DSTYK: variants seen among roughly 807,000 people sequenced by gnomAD.
DSTYK encodes RIP-homologous kinase.
In DSTYK, 34 loss-of-function variants were observed where a neutral mutation model predicts 98.7. The observed-to-expected ratio is 0.34, with a 90% CI of 0.26 to 0.46. The LOEUF (loss-of-function observed/expected upper bound fraction) is 0.46. Ranked by LOEUF, DSTYK falls within the 20% of genes least tolerant of loss-of-function variation. The pLI is 1.00. For missense variants in DSTYK, 962 were observed against 1,181.7 expected (o/e 0.81, Z 2.73); for synonymous variants, 462 against 457.3 (o/e 1.01, Z -0.13).
intron 1 of DSTYK, among the ~76,000 whole-genome samples, chr1:205,198,233 G>A (rs1395161863): frequency 1.3e-5 from 2 of 152,076 alleles, no homozygotes; most frequent in African/African-American, 4.8e-5. Context: ...ACCAACAGAG[G>A]AAGCTTGACT....
chr1:205,157,389 T>C lies in DSTYK; in HGVS notation c.2239-3A>G, dbSNP rs1437466099. The C allele has an allele frequency of 2.5e-6, 4 of 1,613,278 alleles. No individual in the cohort carries two copies. Among genetic ancestry groups the C allele is most frequent in the South Asian group, 1.1e-5 (1 of 91,068 alleles). ...CGTGTCTCCAGGGTCAGCCCAGCCTTGGGGAGACAAAAGAGCTTACTTGTC... is the reference window on the plus strand; with the variant it reads ...CGTGTCTCCAGGGTCAGCCCAGCCTCGGGGAGACAAAAGAGCTTACTTGTC... On this transcript the variant is annotated splice_region_variant and splice_polypyrimidine_tract_variant and intron_variant, in intron 9 of 12. Transcript: ENST00000367162.
chr1:205,146,205 T>C lies in DSTYK; in HGVS notation c.*1353A>G, dbSNP rs769389016. On this transcript the variant is annotated 3_prime_UTR_variant, in exon 13 of 13. Transcript: ENST00000367162. ...GTTTTCCAAACGTCAGTGTGTTAGATTCAAACACAAAAAGAAAAATTTCTG... is the reference window on the plus strand; with the variant it reads ...GTTTTCCAAACGTCAGTGTGTTAGACTCAAACACAAAAAGAAAAATTTCTG... The C allele has an allele frequency of 1.3e-5, 2 of 152,216 alleles. No homozygotes were observed. Among genetic ancestry groups the C allele is most frequent in the African/African-American group, 2.4e-5 (1 of 41,450 alleles). The allele number at this position is 152,216 out of a possible 1,614,324, so 9.4% of individuals were successfully genotyped here.
chr1:205,165,773 G>A lies in DSTYK; in HGVS notation c.1325-1818C>T, dbSNP rs112073816. The stretch of plus-strand genomic sequence containing the variant: ...GATTAATGCAGTACATTTTGTATTA[G>A]CGAAAGAGAAAATAAAAAATAAACA... On this transcript the variant is annotated intron_variant, in intron 3 of 12. Coordinates refer to ENST00000367162, the MANE Select transcript of DSTYK (RefSeq NM_015375.3). Among the ~76,000 whole-genome samples the A allele has an allele frequency of 8.6e-3, 1,312 of 152,238 alleles. 23 individuals carry two copies. Among genetic ancestry groups the A allele is most frequent in the African/African-American group, 0.03 (1,256 of 41,528 alleles).
At chr1:205,208,801 C>G (rs1275652712) in intron 1 of DSTYK, among the ~76,000 whole-genome samples, 1 of 152,162 alleles carries the variant, frequency 6.6e-6, no homozygotes, top group East Asian at 1.9e-4. Flanking sequence ...AGCTAGTTGT[C>G]TTTTTAGGAG....
rs145558667 is a variant in DSTYK at position 205,166,638 on chromosome 1, G to T, written c.1324+2525C>A. Among the ~76,000 whole-genome samples, 483 of 152,276 alleles carry T rather than the reference G, an allele frequency of 3.2e-3. 2 individuals carry two copies. The highest frequency in any genetic ancestry group is 6.8e-3 in the Middle Eastern group (2 of 294). ...TGACCTCCATTCTGTGTAATATGAT[G>T]CCGGCAGTGATGCTCTGGTGTCTTT... On this transcript the variant is annotated intron_variant, in intron 3 of 12. Coordinates refer to ENST00000367162, the MANE Select transcript of DSTYK (RefSeq NM_015375.3).
At chr1:205,202,383 G>T in intron 1 of DSTYK, 1 of 733,902 alleles carries the variant, frequency 1.4e-6, no homozygotes, top group South Asian at 1.3e-5. Context: ...ACATTACAAT[G>T]GTTGCGTTGG....
chr1:205,188,282 C>T (rs892061449), intron 1 of DSTYK, among the ~76,000 whole-genome samples: 1 of 152,174 alleles, frequency 6.6e-6, no homozygotes, highest in African/African-American at 2.4e-5. Context: ...AGATTACAGT[C>T]GTGTGTTGCT....
At chr1:205,151,439 T>C (rs1657399036) in intron 10 of DSTYK, among the ~76,000 whole-genome samples, 1 of 152,196 alleles carries the variant, frequency 6.6e-6, no homozygotes, top group Non-Finnish European at 1.5e-5. Flanking sequence ...CAACACACAT[T>C]GTATAGCTGT....
chr1:205,182,012 C>T (rs1210690586), intron 2 of DSTYK, among the ~76,000 whole-genome samples: 2 of 152,006 alleles, frequency 1.3e-5, no homozygotes, highest in Non-Finnish European at 2.9e-5. Context: ...CTTTATAATG[C>T]TTATGAGTTG....
At chr1:205,184,489 T>C (rs1183416463) in intron 2 of DSTYK, among the ~76,000 whole-genome samples, 1 of 151,936 alleles carries the variant, frequency 6.6e-6, no homozygotes, top group East Asian at 1.9e-4. Flanking sequence ...AGAGAATCGC[T>C]TGAACCCGGG....
intron 2 of DSTYK, among the ~76,000 whole-genome samples, chr1:205,175,571 G>A (rs1185879349): frequency 2.0e-5 from 3 of 152,176 alleles, no homozygotes; most frequent in Non-Finnish European, 4.4e-5. Flanking sequence ...GCAGCAGTAC[G>A]AATTAGGCTG....
intron 10 of DSTYK, among the ~76,000 whole-genome samples, chr1:205,152,633 C>T (rs1191371254): frequency 1.3e-5 from 2 of 151,958 alleles, no homozygotes; most frequent in Non-Finnish European, 2.9e-5. Flanking sequence ...ATCTGAAAGG[C>T]TTGGAACCAG....
intron 9 of DSTYK, among the ~76,000 whole-genome samples, 158 bp from the exon 10 acceptor site, chr1:205,157,544 G>A (rs576719711): frequency 1.3e-5 from 2 of 152,234 alleles, no homozygotes; most frequent in South Asian, 4.1e-4. Flanking sequence ...GGAGGCCAAG[G>A]TCAAGAATTT....
At chr1:205,164,857 T>G (rs907520886) in intron 3 of DSTYK, among the ~76,000 whole-genome samples, 1 of 152,200 alleles carries the variant, frequency 6.6e-6, no homozygotes, top group Non-Finnish European at 1.5e-5. Context: ...ATTTTACACA[T>G]GTAATCTAAT....
intron 11 of DSTYK, 74 bp from the exon 12 acceptor site, chr1:205,148,413 G>A (rs1657308242): frequency 1.3e-6 from 2 of 1,581,290 alleles, no homozygotes; most frequent in Admixed American, 3.5e-5. Flanking sequence ...CCTTGCCTCA[G>A]TAGAGGGTTG....
intron 10 of DSTYK, 123 bp downstream of exon 10, chr1:205,157,150 G>T (rs1558601414): frequency 4.1e-6 from 3 of 733,366 alleles, no homozygotes; most frequent in Non-Finnish European, 4.6e-6. Flanking sequence ...AGCAGCGTGA[G>T]AATGGACTAA....
In DSTYK at chr1:205,179,620, C is replaced by CAA. The variant is rs1201839853; in HGVS notation, c.654+7796_654+7797dup. 7.6e-5 allele frequency among the ~76,000 whole-genome samples: 5 copies of CAA among 65,872 alleles called. No individual in the cohort carries two copies. The East Asian group carries it at 1.3e-3, about 17-fold the overall frequency. 43.2% of individuals were successfully genotyped at this position (65,872 alleles called of 152,430 possible). ...TGGGCAACAGAGTGAGAGTCCGTCT[C>CAA]AAAAAAAAAAAAAAAAAGATAGACT... is the stretch of plus-strand genomic sequence containing the variant. On this transcript the variant is annotated intron_variant, in intron 2 of 12. Coordinates refer to ENST00000367162, the MANE Select transcript of DSTYK (RefSeq NM_015375.3).
In DSTYK at chr1:205,211,481, C is replaced by A; in HGVS notation, c.55G>T (p.Gly19Cys). Residue 19 changes from glycine (G) to cysteine (C), a missense_variant, in exon 1 of 13, where the codon GGC (glycine) becomes TGC (cysteine). This residue lies in a region of DSTYK where 168 missense variants were observed against 120.0 expected (regional missense o/e 1.40). Transcript: ENST00000367162. ...AGCTCGCGGATCATTCCGCCGCCGC[C>A]GGGGCCGGGACCCGAGACGGGCTCG... ...GSEPVSGPGP[G>C]GGGMIRELCR... 1 of 1,584,626 alleles carries A rather than the reference C, an allele frequency of 6.3e-7. No individual in the cohort carries two copies. Among genetic ancestry groups the A allele is most frequent in the Non-Finnish European group, 8.5e-7 (1 of 1,169,650 alleles).
At chr1:205,162,461 C>T (rs1303631251) in intron 5 of DSTYK, among the ~76,000 whole-genome samples, 1 of 152,190 alleles carries the variant, frequency 6.6e-6, no homozygotes, top group Non-Finnish European at 1.5e-5. Context: ...ACATTCAGTG[C>T]CAGGGAGTGC....
Sources: allele counts gnomAD v4.1 joint callset (sites outside exome capture counted in the v4.1 genomes callset), GRCh38; gene constraint gnomAD v4.1.1; regional missense constraint gnomAD v4.1.1; transcripts MANE v1.5; gene names NCBI Gene and HGNC (gene_info 2026-07-23, HGNC 2026-07-21).